Variants in SIPA1L1 observed in about 807,000 individuals in gnomAD.
SIPA1L1 encodes signal induced proliferation associated 1 like 1.
A neutral mutation model predicts 162.7 loss-of-function variants in SIPA1L1; 26 were observed. The observed-to-expected ratio is 0.16, with a 90% CI of 0.12 to 0.22. The LOEUF (loss-of-function observed/expected upper bound fraction) is 0.22, where lower values mean the gene tolerates loss of function less well. Among genes scored for constraint, SIPA1L1 ranks in the 10% least tolerant of loss-of-function variants. The probability of loss-of-function intolerance (pLI) is 1.00; values close to 1 mark genes in which losing one functional copy is unlikely to be tolerated. For synonymous variants in SIPA1L1, 829 were observed against 837.4 expected (o/e 0.99, Z 0.17); for missense variants, 1,874 against 2,241.0 (o/e 0.84, Z 3.31).
rs138810383 is a variant in SIPA1L1 at position 71,526,376 on chromosome 14, G to A, written c.-361-2936G>A. Among the ~76,000 whole-genome samples the A allele has an allele frequency of 7.0e-3, 1,065 of 152,046 alleles. 2 individuals are homozygous for A. Among genetic ancestry groups the A allele is most frequent in the Non-Finnish European group, 0.011 (773 of 67,988 alleles). ...TTTTCCCCTACATCCTACACTCAGT[G>A]GAAACTATTATTCTGACTTACATAG... On this transcript the variant is annotated intron_variant, in intron 3 of 23. Transcript: ENST00000381232.
At chr14:71,379,507 G>T (rs1232972549) in intron 2 of SIPA1L1, 2 of 150,858 alleles carry the variant, frequency 1.3e-5, no homozygotes, top group African/African-American at 2.4e-5. Flanking sequence ...ATGTGGTCTC[G>T]CTGTGTTGCC....
intron 2 of SIPA1L1, among the ~76,000 whole-genome samples, chr14:71,445,250 A>G (rs181815726): frequency 4.6e-5 from 7 of 152,278 alleles, no homozygotes; most frequent in African/African-American, 1.7e-4. Flanking sequence ...GACCTCCTGT[A>G]TATTTCCTGA....
chr14:71,592,047 CTGGCAGGAACAGA>C (rs57274883), intron 5 of SIPA1L1, among the ~76,000 whole-genome samples: 18,728 of 152,202 alleles, frequency 0.12, 1,568 homozygotes, highest in East Asian at 0.41. Context: ...TGAGGTCCAG[CTGGCAGGAACAGA>C]AAGTATGTAT....
chr14:71,354,134 C>T (rs890627565), intron 2 of SIPA1L1, among the ~76,000 whole-genome samples: 1 of 152,004 alleles, frequency 6.6e-6, no homozygotes, highest in Non-Finnish European at 1.5e-5. Context: ...TGGTATTATG[C>T]ATGTATCCTT....
At chr14:71,416,958 C>T (rs1337848761) in intron 2 of SIPA1L1, among the ~76,000 whole-genome samples, 2 of 151,794 alleles carry the variant, frequency 1.3e-5, no homozygotes, top group Non-Finnish European at 2.9e-5. Context: ...ACTGTGTTGC[C>T]CAGGCTGGTC....
intron 2 of SIPA1L1, among the ~76,000 whole-genome samples, chr14:71,489,708 A>G (rs560853813): frequency 1.3e-5 from 2 of 152,162 alleles, no homozygotes; most frequent in East Asian, 1.9e-4. Context: ...GCTTAAAAAA[A>G]AAAAAAGAAA....
intron 2 of SIPA1L1, among the ~76,000 whole-genome samples, chr14:71,367,922 T>G (rs1391463978): frequency 6.6e-6 from 1 of 150,758 alleles, no homozygotes; most frequent in Non-Finnish European, 1.5e-5. Context: ...TTTTTTTTTT[T>G]TTTTTTAATT....
At chr14:71,601,396 T>C (rs1237437372) in intron 5 of SIPA1L1, among the ~76,000 whole-genome samples, 4 of 152,226 alleles carry the variant, frequency 2.6e-5, no homozygotes, top group Non-Finnish European at 4.4e-5. Flanking sequence ...GTCATACTTA[T>C]TGAGTTGCAT....
At chr14:71,430,199 T>C (rs2043878086) in intron 2 of SIPA1L1, among the ~76,000 whole-genome samples, 1 of 152,174 alleles carries the variant, frequency 6.6e-6, no homozygotes, top group African/African-American at 2.4e-5. Context: ...TCCTCTAGTT[T>C]CCCTTAAAGG....
chr14:71,733,267 C>T (rs2084969324), intron 20 of SIPA1L1, among the ~76,000 whole-genome samples: 1 of 152,188 alleles, frequency 6.6e-6, no homozygotes, highest in Non-Finnish European at 1.5e-5. Context: ...CATCCCTGGT[C>T]TGGCTCCAAA....
intron 2 of SIPA1L1, among the ~76,000 whole-genome samples, chr14:71,475,474 G>T (rs1302096345): frequency 6.6e-6 from 1 of 152,136 alleles, no homozygotes; most frequent in African/African-American, 2.4e-5. Context: ...CCTTCAAACA[G>T]TAGGATTTTT....
intron 10 of SIPA1L1, among the ~76,000 whole-genome samples, chr14:71,663,421 T>G (rs1180466735): frequency 6.6e-6 from 1 of 152,204 alleles, no homozygotes; most frequent in African/African-American, 2.4e-5. Flanking sequence ...TTAATATACC[T>G]AGATTCTTCC....
At chr14:71,374,903 A>G (rs1233124129) in intron 2 of SIPA1L1, among the ~76,000 whole-genome samples, 3 of 152,116 alleles carry the variant, frequency 2.0e-5, no homozygotes, top group East Asian at 3.8e-4. Flanking sequence ...ATCATTCAGT[A>G]TTTACAGTAT....
chr14:71,597,239 C>G (rs1200741128), intron 5 of SIPA1L1, among the ~76,000 whole-genome samples: 6 of 152,134 alleles, frequency 3.9e-5, no homozygotes, highest in Admixed American at 6.5e-5. Context: ...ACCTCAGCCT[C>G]CCAAAGAGCT....
chr14:71,458,958 A>T (rs1300606610), intron 2 of SIPA1L1, among the ~76,000 whole-genome samples: 1 of 151,940 alleles, frequency 6.6e-6, no homozygotes, highest in Non-Finnish European at 1.5e-5. Flanking sequence ...CTGTAATCCC[A>T]GTTACTTGGA....
At chr14:71,704,887 A>C in intron 15 of SIPA1L1, 1 of 746,300 alleles carries the variant, frequency 1.3e-6, no homozygotes, top group South Asian at 1.6e-5. Context: ...CAATGAATGA[A>C]TTTCATAAAT....
At position 71,491,074 on chromosome 14, in the gene SIPA1L1, A is replaced by G. The variant is rs547162566; in HGVS notation, c.-464-21669A>G. Among the ~76,000 whole-genome samples, 6 of 152,302 alleles carry G rather than the reference A, an allele frequency of 3.9e-5. No homozygotes were observed. In the South Asian group the frequency reaches 1.2e-3, roughly 32 times the overall value. On this transcript the variant is annotated intron_variant, in intron 2 of 23. Coordinates refer to ENST00000381232, the MANE Select transcript of SIPA1L1 (RefSeq NM_001386936.1). ...TTAATCCTCAGAGTCCTCCCTTCAA[A>G]CAGACAGGATGTCGATATTTAAAAA...
At chr14:71,385,990 C>T (rs2040291460) in intron 2 of SIPA1L1, among the ~76,000 whole-genome samples, 1 of 152,082 alleles carries the variant, frequency 6.6e-6, no homozygotes, top group African/African-American at 2.4e-5. Context: ...CTGGCCTGCA[C>T]ATTCTTTTGT....
At chr14:71,590,036 AAAAAAAAAATATAT>A (rs1216342530) in intron 5 of SIPA1L1, among the ~76,000 whole-genome samples, 58 of 74,360 alleles carry the variant, frequency 7.8e-4, no homozygotes, top group African/African-American at 2.4e-3. Context: ...AAAAAAAAAA[AAAAAAAAAATATAT>A]ATATATATAT....
Sources: allele counts gnomAD v4.1 joint callset (sites outside exome capture counted in the v4.1 genomes callset), GRCh38; gene constraint gnomAD v4.1.1; transcripts MANE v1.5; gene names NCBI Gene and HGNC (gene_info 2026-07-23, HGNC 2026-07-21).